Variants in NBEA observed in about 807,000 individuals in gnomAD.
NBEA encodes lysosomal-trafficking regulator 2.
Under a neutral mutation model 343.4 loss-of-function variants are expected in NBEA, and 44 were observed. The observed-to-expected ratio is 0.13, with a 90% CI of 0.10 to 0.16. NBEA has a LOEUF of 0.16. Among genes scored for constraint, NBEA ranks in the 10% least tolerant of loss-of-function variants. The pLI is 1.00. For missense variants in NBEA, 2,555 were observed against 3,631.3 expected, an observed-to-expected ratio of 0.70 and a Z score of 7.62; for synonymous variants, 1,175 against 1,238.7, an observed-to-expected ratio of 0.95 and a Z score of 1.08.
chr13:34,990,619 G>A (rs1270588367), intron 1 of NBEA, among the ~76,000 whole-genome samples: 1 of 150,860 alleles, frequency 6.6e-6, no homozygotes, highest in African/African-American at 2.4e-5. Flanking sequence ...TGATTGGAGG[G>A]GCTGCGGGAA....
At chr13:35,098,667 G>T (rs1355981815) in intron 11 of NBEA, among the ~76,000 whole-genome samples, 1 of 152,116 alleles carries the variant, frequency 6.6e-6, no homozygotes, top group Non-Finnish European at 1.5e-5. Flanking sequence ...TTTCTCTTAA[G>T]TTTTCTAAGT....
rs183103691 is a variant in NBEA, at chr13:35,401,711, T to C, written c.6180-30558T>C. Among the ~76,000 whole-genome samples the C allele has an allele frequency of 4.4e-3, 663 of 152,180 alleles. 5 individuals are homozygous for C. The highest frequency in any genetic ancestry group is 0.017 in the Middle Eastern group (5 of 294). On this transcript the variant is annotated intron_variant, in intron 38 of 58. Coordinates refer to ENST00000379939, the MANE Select transcript of NBEA (RefSeq NM_001385012.1). ...CTATTGCTTTGAAAAGAATGTGCTT[T>C]TAGAGAAGGCAGAGGTCATTTATTA...
At chr13:35,167,439 GA>G (rs2070124024) in intron 24 of NBEA, among the ~76,000 whole-genome samples, 1 of 150,926 alleles carries the variant, frequency 6.6e-6, no homozygotes, top group Non-Finnish European at 1.5e-5. Context: ...GGAAACTTAA[GA>G]AAAAAAGAAC....
At chr13:35,110,288 G>A (rs1410761442) in intron 12 of NBEA, among the ~76,000 whole-genome samples, 1 of 144,484 alleles carries the variant, frequency 6.9e-6, no homozygotes, top group Non-Finnish European at 1.5e-5. Flanking sequence ...TAACCAAGGT[G>A]TCTGACATGC....
At chr13:35,533,499 T>C (rs2078371701) in intron 41 of NBEA, among the ~76,000 whole-genome samples, 1 of 152,160 alleles carries the variant, frequency 6.6e-6, no homozygotes, top group Admixed American at 6.5e-5. Context: ...CATTCCTCAA[T>C]GGAATTTCCT....
intron 36 of NBEA, among the ~76,000 whole-genome samples, chr13:35,325,287 T>A (rs1315743083): frequency 1.3e-5 from 2 of 151,970 alleles, no homozygotes; most frequent in African/African-American, 4.8e-5. Context: ...TGTTAAACAA[T>A]AAATATTTCT....
intron 38 of NBEA, among the ~76,000 whole-genome samples, chr13:35,357,796 T>C (rs2040575326): frequency 6.6e-6 from 1 of 152,188 alleles, no homozygotes; most frequent in Non-Finnish European, 1.5e-5. Flanking sequence ...GAATAGTTTC[T>C]ACTAAATTGA....
At chr13:35,560,125 G>C (rs1296233620) in intron 44 of NBEA, among the ~76,000 whole-genome samples, 1 of 96,770 alleles carries the variant, frequency 1.0e-5, no homozygotes. Flanking sequence ...ATTTTACAGA[G>C]ATGAGGTAGA....
chr13:35,075,083 A>G (rs905279764), intron 10 of NBEA, among the ~76,000 whole-genome samples: 2 of 152,254 alleles, frequency 1.3e-5, no homozygotes, highest in African/African-American at 4.8e-5. Context: ...GAAAAATTGA[A>G]TAACTTGTTC....
intron 33 of NBEA, among the ~76,000 whole-genome samples, chr13:35,228,614 G>A (rs1025912886): frequency 3.0e-4 from 46 of 151,776 alleles, no homozygotes; most frequent in African/African-American, 9.4e-4. Flanking sequence ...ATCATTTAGC[G>A]CCCACTTATA....
chr13:35,119,957 G>C, intron 16 of NBEA, among the ~76,000 whole-genome samples: 1 of 152,070 alleles, frequency 6.6e-6, no homozygotes, highest in South Asian at 2.1e-4. Context: ...ACAAAATAAT[G>C]ACAATTTCAT....
At chr13:35,314,518 A>G (rs1409863088) in intron 36 of NBEA, among the ~76,000 whole-genome samples, 1 of 152,040 alleles carries the variant, frequency 6.6e-6, no homozygotes, top group East Asian at 1.9e-4. Flanking sequence ...TCCCTGATTT[A>G]TATTTACCTA....
chr13:34,958,211 T>G (rs1299353000), intron 1 of NBEA, among the ~76,000 whole-genome samples: 1 of 152,158 alleles, frequency 6.6e-6, no homozygotes, highest in Non-Finnish European at 1.5e-5. Context: ...ACATTATATT[T>G]CTTTTAGATA....
chr13:35,110,033 C>G (rs1479472323), intron 12 of NBEA, among the ~76,000 whole-genome samples: 1 of 60,050 alleles, frequency 1.7e-5, no homozygotes, highest in Admixed American at 2.0e-4. Flanking sequence ...TTTGACAACT[C>G]TTTTTTTTTT....
intron 1 of NBEA, among the ~76,000 whole-genome samples, chr13:35,009,717 G>A (rs1343693163): frequency 6.6e-6 from 1 of 152,128 alleles, no homozygotes; most frequent in Non-Finnish European, 1.5e-5. Flanking sequence ...TGGTATTTCG[G>A]AATAAACCAG....
chr13:35,335,800 G>A lies in NBEA; in HGVS notation c.5904-13308G>A, dbSNP rs535968355. ...ACCAAAAGTTTGGGAGGAACAGCTT[G>A]GAAATAGGTACATAAGGGCTTTGAA... is the stretch of plus-strand genomic sequence containing the variant. On this transcript the variant is annotated intron_variant, in intron 36 of 58. Coordinates refer to ENST00000379939, the MANE Select transcript of NBEA (RefSeq NM_001385012.1). Among the ~76,000 whole-genome samples the A allele has an allele frequency of 2.0e-5, 3 of 152,144 alleles. No individual in the cohort carries two copies. The East Asian group carries it at 5.8e-4, about 29-fold the overall frequency.
chr13:35,138,751 C>T (rs2067890509), intron 17 of NBEA, among the ~76,000 whole-genome samples: 1 of 151,918 alleles, frequency 6.6e-6, no homozygotes, highest in African/African-American at 2.4e-5. Context: ...TGAGCCACTG[C>T]GCTCGGCCAA....
intron 6 of NBEA, among the ~76,000 whole-genome samples, chr13:35,050,962 A>G (rs1031291396): frequency 3.9e-5 from 6 of 152,034 alleles, no homozygotes; most frequent in Non-Finnish European, 7.4e-5. Context: ...CAAGGCCAAA[A>G]CACATTTTAA....
intron 28 of NBEA, among the ~76,000 whole-genome samples, chr13:35,180,456 C>T (rs1017327207): frequency 6.6e-5 from 10 of 151,544 alleles, no homozygotes; most frequent in Non-Finnish European, 1.5e-4. Context: ...GGAAAGCATA[C>T]TTATTTTAAA....
Sources: allele counts gnomAD v4.1 joint callset (sites outside exome capture counted in the v4.1 genomes callset), GRCh38; gene constraint gnomAD v4.1.1; transcripts MANE v1.5; gene names NCBI Gene and HGNC (gene_info 2026-07-23, HGNC 2026-07-21).